The following CBFA2T2 variants were observed in gnomAD, a reference collection of about 807,000 sequenced individuals.
CBFA2T2 encodes the protein CBFA2/RUNX1 partner transcriptional co-repressor 2, also known as protein CBFA2T2.
CBFA2T2 carries 11 observed loss-of-function variants against 62.2 expected under a neutral mutation model. That is an observed-to-expected ratio of 0.18 (90% CI 0.11 to 0.29). CBFA2T2 has a LOEUF of 0.29. Among genes scored for constraint, CBFA2T2 ranks in the 10% least tolerant of loss-of-function variants. The probability of loss-of-function intolerance (pLI) is 1.00; values close to 1 mark genes in which losing one functional copy is unlikely to be tolerated. For missense variants in CBFA2T2, 592 were observed against 774.1 expected (o/e 0.76, Z 2.79); for synonymous variants, 295 against 287.5 (o/e 1.03, Z -0.27).
At chr20:33,546,288 C>T (rs1416105148) in intron 1 of CBFA2T2, among the ~76,000 whole-genome samples, 2 of 152,036 alleles carry the variant, frequency 1.3e-5, no homozygotes, top group Non-Finnish European at 2.9e-5. Flanking sequence ...GCCTTAGCAG[C>T]CACACTGTAA....
intron 1 of CBFA2T2, among the ~76,000 whole-genome samples, chr20:33,511,630 A>G (rs1268421738): frequency 6.6e-6 from 1 of 152,202 alleles, no homozygotes; most frequent in Non-Finnish European, 1.5e-5. Context: ...CTGGCCATAA[A>G]CTTTTTATTA....
intron 1 of CBFA2T2, among the ~76,000 whole-genome samples, chr20:33,529,941 C>T (rs549461282): frequency 1.3e-5 from 2 of 151,810 alleles, no homozygotes; most frequent in East Asian, 3.9e-4. Context: ...TGCGCCATCA[C>T]ACCTGGATAA....
intron 1 of CBFA2T2, among the ~76,000 whole-genome samples, chr20:33,568,073 T>C (rs572794125): frequency 1.3e-5 from 2 of 152,240 alleles, no homozygotes; most frequent in African/African-American, 4.8e-5. Context: ...CGGTGAAAGA[T>C]TGTGTGTGGG....
At chr20:33,523,447 G>A (rs2011789304) in intron 1 of CBFA2T2, among the ~76,000 whole-genome samples, 1 of 151,694 alleles carries the variant, frequency 6.6e-6, no homozygotes, top group African/African-American at 2.4e-5. Flanking sequence ...TAATTACAGA[G>A]TCTATCTTAA....
chr20:33,521,702 T>C (rs1380285148), intron 1 of CBFA2T2, among the ~76,000 whole-genome samples: 1 of 152,156 alleles, frequency 6.6e-6, no homozygotes, highest in Non-Finnish European at 1.5e-5. Context: ...GCTAATTGAT[T>C]GCTTTTCCAG....
At chr20:33,527,600 T>G (rs1377130893) in intron 1 of CBFA2T2, among the ~76,000 whole-genome samples, 1 of 152,148 alleles carries the variant, frequency 6.6e-6, no homozygotes, top group Non-Finnish European at 1.5e-5. Flanking sequence ...CTCAAACTCC[T>G]GACCTCAGAT....
At chr20:33,612,657 C>T (rs541184065) in intron 3 of CBFA2T2, among the ~76,000 whole-genome samples, 1 of 152,270 alleles carries the variant, frequency 6.6e-6, no homozygotes, top group East Asian at 1.9e-4. Context: ...AAAATCACAC[C>T]TCAGTCTGAA....
intron 8 of CBFA2T2, among the ~76,000 whole-genome samples, chr20:33,633,049 A>G (rs1568867609): frequency 6.6e-6 from 1 of 152,132 alleles, no homozygotes; most frequent in East Asian, 1.9e-4. Context: ...ATAAGCTACC[A>G]TGCCTGGCCA....
At chr20:33,551,263 C>T (rs1171989433) in intron 1 of CBFA2T2, among the ~76,000 whole-genome samples, 1 of 150,854 alleles carries the variant, frequency 6.6e-6, no homozygotes, top group Non-Finnish European at 1.5e-5. Context: ...GTCGCCCAGG[C>T]TGGAGTGCAA....
chr20:33,499,770 G>A (rs960497657), intron 1 of CBFA2T2, among the ~76,000 whole-genome samples: 1 of 152,060 alleles, frequency 6.6e-6, no homozygotes, highest in Non-Finnish European at 1.5e-5. Flanking sequence ...GAGTATCTCT[G>A]TTTTACTGAT....
intron 2 of CBFA2T2, among the ~76,000 whole-genome samples, chr20:33,610,222 G>C (rs1007499338): frequency 2.6e-5 from 4 of 152,166 alleles, no homozygotes; most frequent in African/African-American, 9.7e-5. Flanking sequence ...CCAGGAGGTC[G>C]AGGCTGCACC....
chr20:33,574,005 T>C, intron 1 of CBFA2T2: 1 of 842,058 alleles, frequency 1.2e-6, no homozygotes, highest in East Asian at 3.7e-5. Context: ...CCCAGGTGGG[T>C]CTCAAACTCC....
intron 1 of CBFA2T2, among the ~76,000 whole-genome samples, chr20:33,603,906 G>C (rs1409785383): frequency 1.3e-5 from 2 of 152,144 alleles, no homozygotes. Context: ...CTATAATCCT[G>C]TGACCCCAGG....
At chr20:33,600,708 G>GC (rs1244197881) in intron 1 of CBFA2T2, among the ~76,000 whole-genome samples, 1 of 152,082 alleles carries the variant, frequency 6.6e-6, no homozygotes, top group Non-Finnish European at 1.5e-5. Flanking sequence ...GACTTGCCTG[G>GC]CCGTCGTACA....
intron 1 of CBFA2T2, among the ~76,000 whole-genome samples, chr20:33,547,661 A>G (rs1265882237): frequency 1.3e-5 from 2 of 151,458 alleles, no homozygotes; most frequent in African/African-American, 4.9e-5. Flanking sequence ...AGCTTGGGCA[A>G]CAGAGCGAGA....
chr20:33,605,822 G>T (rs1417622415), intron 1 of CBFA2T2, among the ~76,000 whole-genome samples: 2 of 150,958 alleles, frequency 1.3e-5, no homozygotes, highest in Non-Finnish European at 1.5e-5. Flanking sequence ...ATTATTAATG[G>T]TGATTTTTTT....
chr20:33,630,003 T>A, intron 8 of CBFA2T2, 89 bp downstream of exon 8: 1 of 1,154,596 alleles, frequency 8.7e-7, no homozygotes, highest in Non-Finnish European at 1.2e-6. Context: ...TACTTGACTT[T>A]AAAGAAAGGT....
At chr20:33,525,703 G>T (rs771900624) in intron 1 of CBFA2T2, among the ~76,000 whole-genome samples, 3 of 152,078 alleles carry the variant, frequency 2.0e-5, no homozygotes, top group Non-Finnish European at 4.4e-5. Flanking sequence ...CCAGATTGGA[G>T]TGCAGTGGTA....
intron 1 of CBFA2T2, among the ~76,000 whole-genome samples, chr20:33,497,863 T>A (rs908318143): frequency 2.0e-5 from 3 of 151,916 alleles, no homozygotes; most frequent in Non-Finnish European, 4.4e-5. Context: ...TTATTTTTTT[T>A]ATAGAGACAG....
Sources: allele counts gnomAD v4.1 joint callset (sites outside exome capture counted in the v4.1 genomes callset), GRCh38; gene constraint gnomAD v4.1.1; transcripts MANE v1.5; gene names NCBI Gene and HGNC (gene_info 2026-07-23, HGNC 2026-07-21).